Variants in SLC23A2 observed in about 807,000 individuals in gnomAD.
SLC23A2 encodes solute carrier family 23 member 2, also known as Na(+)/L-ascorbic acid transporter 2.
In SLC23A2, 36 loss-of-function variants were observed where a neutral mutation model predicts 73.3. The observed-to-expected ratio is 0.49, with a 90% CI of 0.38 to 0.65. The LOEUF (loss-of-function observed/expected upper bound fraction) is 0.65, where lower values mean the gene tolerates loss of function less well. SLC23A2 is among the 30% of genes least tolerant of loss of function. The probability of loss-of-function intolerance (pLI) is 0.00; values close to 1 mark genes in which losing one functional copy is unlikely to be tolerated. For missense variants in SLC23A2, 507 were observed against 841.6 expected, an observed-to-expected ratio of 0.60 and a Z score of 4.92; for synonymous variants, 343 against 327.3, an observed-to-expected ratio of 1.05 and a Z score of -0.52.
intron 1 of SLC23A2, among the ~76,000 whole-genome samples, chr20:4,999,006 T>G (rs1202460835): frequency 6.6e-6 from 1 of 152,086 alleles, no homozygotes; most frequent in Non-Finnish European, 1.5e-5. Flanking sequence ...GGTTTCACCA[T>G]GGTGGCCAGG....
rs186141016 is a variant in SLC23A2 at position 4,868,500 on chromosome 20, T to C, written c.1251-625A>G. On this transcript the variant is annotated intron_variant, in intron 12 of 16. Transcript: ENST00000338244. The surrounding 1 kb of genome is among the most constrained non-coding windows in gnomAD (Gnocchi z 4.4). ...AAAGCAAAGGATTTTAGCCAGAAAA[T>C]AAAGCCATTTGTTGGGGTATAAGAC... 4.0e-4 allele frequency among the ~76,000 whole-genome samples: 61 copies of C among 152,272 alleles called. No individual in the cohort carries two copies. The highest frequency in any genetic ancestry group is 8.1e-4 in the Non-Finnish European group (55 of 68,010).
At chr20:4,931,661 C>A (rs1018440770) in intron 3 of SLC23A2, among the ~76,000 whole-genome samples, 2 of 151,898 alleles carry the variant, frequency 1.3e-5, no homozygotes, top group Non-Finnish European at 2.9e-5. Flanking sequence ...CCCAGCTACT[C>A]GGGAGACTGA....
At chr20:4,898,312 C>T (rs1425315147) in intron 6 of SLC23A2, among the ~76,000 whole-genome samples, 1 of 152,210 alleles carries the variant, frequency 6.6e-6, no homozygotes, top group African/African-American at 2.4e-5. Flanking sequence ...GACCTGCAGC[C>T]TACCCTCCCA....
At chr20:4,942,676 CT>C (rs1425263434) in intron 2 of SLC23A2, among the ~76,000 whole-genome samples, 2 of 152,200 alleles carry the variant, frequency 1.3e-5, no homozygotes, top group Admixed American at 1.3e-4. Context: ...AGAGTCACCC[CT>C]CTCACTGTGG....
intron 2 of SLC23A2, among the ~76,000 whole-genome samples, chr20:4,941,378 T>G (rs916552208): frequency 7.9e-5 from 12 of 151,944 alleles, no homozygotes; most frequent in Non-Finnish European, 1.3e-4. Context: ...AAAATGAAAT[T>G]TTTTTAAATT....
chr20:4,916,040 A>T (rs1932310833), intron 3 of SLC23A2, among the ~76,000 whole-genome samples: 1 of 152,194 alleles, frequency 6.6e-6, no homozygotes. Context: ...ATTCTCTTAC[A>T]TTACTTCAAA....
intron 13 of SLC23A2, among the ~76,000 whole-genome samples, chr20:4,864,024 C>T (rs1053930109): frequency 3.9e-5 from 6 of 152,104 alleles, no homozygotes; most frequent in South Asian, 2.1e-4. Flanking sequence ...CCTGGGTTCC[C>T]GGCACCACAC....
chr20:4,865,889 G>A (rs1930174507), intron 13 of SLC23A2, among the ~76,000 whole-genome samples: 1 of 152,010 alleles, frequency 6.6e-6, no homozygotes, highest in South Asian at 2.1e-4. Context: ...CTGGAGTGCA[G>A]TGGCATGATC....
At chr20:4,966,395 G>GT (rs2087475162) in intron 2 of SLC23A2, among the ~76,000 whole-genome samples, 1 of 152,092 alleles carries the variant, frequency 6.6e-6, no homozygotes, top group African/African-American at 2.4e-5. Flanking sequence ...GCTATGTGGG[G>GT]TTTAAACTGT....
chr20:4,973,077 A>G (rs1448909777), intron 1 of SLC23A2, among the ~76,000 whole-genome samples: 2 of 152,222 alleles, frequency 1.3e-5, no homozygotes, highest in Non-Finnish European at 2.9e-5. Flanking sequence ...GTTGTACAAT[A>G]TGTGTGGTTA....
intron 1 of SLC23A2, among the ~76,000 whole-genome samples, chr20:4,999,696 G>T (rs970040088): frequency 3.3e-5 from 5 of 151,936 alleles, no homozygotes; most frequent in African/African-American, 1.2e-4. Flanking sequence ...CCCGGCCCAG[G>T]TACTTCAATA....
chr20:4,878,511 G>A (rs755950796), intron 9 of SLC23A2, among the ~76,000 whole-genome samples: 10 of 152,070 alleles, frequency 6.6e-5, no homozygotes, highest in Non-Finnish European at 1.5e-4. Context: ...GGTTTCTGAC[G>A]TTTTAAATGT....
At position 4,989,034 on chromosome 20, in the gene SLC23A2, T is replaced by C. The variant is rs560157833; in HGVS notation, c.-282+12372A>G. On this transcript the variant is annotated intron_variant, in intron 1 of 16. Transcript: ENST00000338244. ...GGTGGATCACAAGGTCAGGAGGGAG[T>C]TCGAGACCAGCCTGACCAATGTGGT... Among the ~76,000 whole-genome samples, 3 of 151,312 alleles carry C rather than the reference T, an allele frequency of 2.0e-5. No homozygotes were observed. In the East Asian group the frequency reaches 5.9e-4, roughly 30 times the overall value.
chr20:4,967,267 T>C (rs1231001380), intron 2 of SLC23A2, among the ~76,000 whole-genome samples: 1 of 152,194 alleles, frequency 6.6e-6, no homozygotes, highest in Admixed American at 6.5e-5. Flanking sequence ...TTAGAAGTCA[T>C]GGGACAAATT....
chr20:4,987,466 G>C (rs556595237), intron 1 of SLC23A2, among the ~76,000 whole-genome samples: 23 of 152,286 alleles, frequency 1.5e-4, no homozygotes, highest in African/African-American at 5.3e-4. Flanking sequence ...CAAAAATTTA[G>C]AGAATTATCA....
intron 2 of SLC23A2, among the ~76,000 whole-genome samples, chr20:4,957,845 G>A (rs1159390491): frequency 6.7e-6 from 1 of 149,492 alleles, no homozygotes; most frequent in Admixed American, 6.7e-5. Flanking sequence ...AAGTTGCAGT[G>A]AGCCAAGATC....
chr20:4,888,137 GA>G (rs565277167), intron 6 of SLC23A2, among the ~76,000 whole-genome samples: 71 of 152,304 alleles, frequency 4.7e-4, no homozygotes, highest in Middle Eastern at 3.4e-3. Context: ...CTAAAGACTG[GA>G]AAGGAAATAC....
At chr20:4,940,832 G>A (rs1361336369) in intron 2 of SLC23A2, among the ~76,000 whole-genome samples, 1 of 152,096 alleles carries the variant, frequency 6.6e-6, no homozygotes, top group African/African-American at 2.4e-5. Flanking sequence ...TTGGGGGGGC[G>A]GTCAATGGAG....
At chr20:4,983,589 T>C (rs1490361215) in intron 1 of SLC23A2, among the ~76,000 whole-genome samples, 1 of 144,410 alleles carries the variant, frequency 6.9e-6, no homozygotes, top group African/African-American at 2.6e-5. Flanking sequence ...GAGTTTGCAG[T>C]GAGCCGAGAC....
Sources: allele counts gnomAD v4.1 joint callset (sites outside exome capture counted in the v4.1 genomes callset), GRCh38; gene constraint gnomAD v4.1.1; non-coding constraint Gnocchi (gnomAD v3.1); transcripts MANE v1.5; gene names NCBI Gene and HGNC (gene_info 2026-07-23, HGNC 2026-07-21).